Variants in USP7 observed in about 807,000 individuals in gnomAD.
The protein encoded by USP7 is ubiquitin C-terminal hydrolase 7.
Under a neutral mutation model 162.9 loss-of-function variants are expected in USP7, and 9 were observed. The ratio of observed to expected loss-of-function variants is 0.06; its 90% CI spans 0.03 to 0.10. The LOEUF (loss-of-function observed/expected upper bound fraction) is 0.10. Ranked by LOEUF, USP7 falls within the 10% of genes least tolerant of loss-of-function variation. The probability of loss-of-function intolerance (pLI) is 1.00; values close to 1 mark genes in which losing one functional copy is unlikely to be tolerated. For missense variants in USP7, 715 were observed against 1,373.7 expected, an observed-to-expected ratio of 0.52 and a Z score of 7.58; for synonymous variants, 562 against 475.9, an observed-to-expected ratio of 1.18 and a Z score of -2.35.
intron 26 of USP7, among the ~76,000 whole-genome samples, chr16:8,896,138 T>C (rs1166137988): frequency 3.5e-5 from 2 of 57,530 alleles, no homozygotes; most frequent in Admixed American, 2.4e-4. Context: ...CATGCCCAGC[T>C]TTTTTTTTTT....
chr16:8,899,570 G>A, intron 22 of USP7, 34 bp downstream of exon 22: 1 of 1,603,012 alleles, frequency 6.2e-7, no homozygotes, highest in Non-Finnish European at 8.5e-7. Context: ...TTCTGGAGTG[G>A]GATCTGAAGA....
intron 10 of USP7, among the ~76,000 whole-genome samples, chr16:8,914,691 G>A (rs542727413): frequency 5.3e-5 from 8 of 152,192 alleles, no homozygotes; most frequent in Admixed American, 1.3e-4. Flanking sequence ...CCCAAGGCAG[G>A]AAGGTTGCTT....
rs542720925 is a variant in USP7, at chr16:8,894,957, C to A, written c.3039+74G>T. On this transcript the variant is annotated intron_variant, in intron 28 of 30. Coordinates refer to ENST00000344836, the MANE Select transcript of USP7 (RefSeq NM_003470.3). ...CCAACGCCTAACCCCAGCAGGAGCGCAGATTCGGCAACAGCGGCCACTCAA... is the reference window on the plus strand; with the variant it reads ...CCAACGCCTAACCCCAGCAGGAGCGAAGATTCGGCAACAGCGGCCACTCAA... 7.7e-5 allele frequency: 124 copies of A among 1,613,212 alleles called. 1 individual carries two copies. The highest frequency in any genetic ancestry group is 1.0e-4 in the Non-Finnish European group (121 of 1,179,358).
chr16:8,931,143 T>C (rs1333631375), intron 1 of USP7, among the ~76,000 whole-genome samples: 1 of 152,114 alleles, frequency 6.6e-6, no homozygotes, highest in Non-Finnish European at 1.5e-5. Flanking sequence ...GCAAATGGTA[T>C]ACATTAAAAC....
intron 21 of USP7, 35 bp downstream of exon 21, chr16:8,900,495 G>C (rs768343533): frequency 2.0e-6 from 3 of 1,478,206 alleles, no homozygotes; most frequent in African/African-American, 2.8e-5. Context: ...CCTGAAATTA[G>C]TACAAAGTGA....
chr16:8,949,297 A>G (rs1243673196), intron 1 of USP7, among the ~76,000 whole-genome samples: 2 of 152,220 alleles, frequency 1.3e-5, no homozygotes, highest in Non-Finnish European at 2.9e-5. Flanking sequence ...ACATCGTGGC[A>G]CGTTCCACTG....
chr16:8,901,919 T>C (rs2061780950), intron 18 of USP7, 163 bp downstream of exon 18: 2 of 648,252 alleles, frequency 3.1e-6, no homozygotes, highest in Non-Finnish European at 2.6e-6. Flanking sequence ...CGCAGCCAAG[T>C]CAGTCTTATT....
intron 2 of USP7, among the ~76,000 whole-genome samples, chr16:8,926,973 T>C (rs375995511): frequency 1.3e-5 from 2 of 152,274 alleles, no homozygotes; most frequent in East Asian, 3.9e-4. Flanking sequence ...ACAGCAATTT[T>C]ATCCTCCCAG....
At chr16:8,952,114 G>C (rs1427803672) in intron 1 of USP7, among the ~76,000 whole-genome samples, 1 of 152,124 alleles carries the variant, frequency 6.6e-6, no homozygotes, top group Admixed American at 6.5e-5. Flanking sequence ...AAATGGCCAG[G>C]TGTGGTGTGC....
chr16:8,952,881 G>A (rs574420650), intron 1 of USP7, among the ~76,000 whole-genome samples: 1 of 151,830 alleles, frequency 6.6e-6, no homozygotes, highest in East Asian at 1.9e-4. Context: ...TTGTCGCCCA[G>A]GCTAGAGTGC....
intron 13 of USP7, 129 bp from the exon 14 acceptor site, chr16:8,905,460 GT>G: frequency 8.7e-7 from 1 of 1,145,236 alleles, no homozygotes; most frequent in Non-Finnish European, 1.3e-6. Context: ...ATCCATGTGT[GT>G]TCTTATACAG....
In USP7 at chr16:8,903,179, C is replaced by A. The variant is rs1277583802; in HGVS notation, c.1839+89G>T. On this transcript the variant is annotated intron_variant, in intron 16 of 30. Transcript: ENST00000344836. ...GCAGTGGCTGGACACAGCACCTACCCCCAAAGGCAATCAGTATTTTCTAGT... is the reference window on the plus strand; with the variant it reads ...GCAGTGGCTGGACACAGCACCTACCACCAAAGGCAATCAGTATTTTCTAGT... 14 of 1,527,730 alleles carry A rather than the reference C, an allele frequency of 9.2e-6. No individual in the cohort carries two copies. In the East Asian group the frequency reaches 2.5e-4, roughly 27 times the overall value. The allele number at this position is 1,527,730 out of a possible 1,614,324, so 94.6% of individuals were successfully genotyped here.
At position 8,919,404 on chromosome 16, in the gene USP7, C is replaced by G. The variant is rs115493166; in HGVS notation, c.612-265G>C. 8.8e-3 allele frequency among the ~76,000 whole-genome samples: 1,344 copies of G among 152,270 alleles called. 11 individuals carry two copies. Among genetic ancestry groups the G allele is most frequent in the African/African-American group, 0.03 (1,254 of 41,540 alleles). ...TGTCACTGATCAAGCCCAGCACCAA[C>G]AGACACTTAACGGAGACCTGCATGC... On this transcript the variant is annotated intron_variant, in intron 5 of 30. Transcript: ENST00000344836.
intron 1 of USP7, among the ~76,000 whole-genome samples, chr16:8,954,991 A>G (rs1899726062): frequency 6.6e-6 from 1 of 152,206 alleles, no homozygotes; most frequent in South Asian, 2.1e-4. Context: ...AAACAGTAAC[A>G]GCAATTGCTG....
intron 1 of USP7, among the ~76,000 whole-genome samples, chr16:8,960,132 T>C (rs949240322): frequency 2.6e-5 from 4 of 152,162 alleles, no homozygotes; most frequent in African/African-American, 9.7e-5. Flanking sequence ...CCACCAAAGT[T>C]AGCGAATAAA....
In USP7 at chr16:8,893,991, T is replaced by A. The variant is rs771837381; in HGVS notation, c.*7A>T. 3.1e-6 allele frequency: 5 copies of A among 1,613,736 alleles called. No homozygotes were observed. The highest frequency in any genetic ancestry group is 1.6e-4 in the Middle Eastern group (1 of 6,082). Reference sequence around the variant, plus strand: ...CCGTCCTCGCCTTGAACACACCAGCTTGGAAATCAGTTATGGATTTTAATG... The same window carrying A: ...CCGTCCTCGCCTTGAACACACCAGCATGGAAATCAGTTATGGATTTTAATG... On this transcript the variant is annotated 3_prime_UTR_variant, in exon 31 of 31. Transcript: ENST00000344836.
chr16:8,924,436 G>A (rs1469571170), intron 2 of USP7, among the ~76,000 whole-genome samples: 1 of 152,240 alleles, frequency 6.6e-6, no homozygotes, highest in African/African-American at 2.4e-5. Flanking sequence ...AGGAGTCCCA[G>A]GGCCACACCA....
chr16:8,903,222 G>A, intron 16 of USP7, 46 bp downstream of exon 16: 2 of 1,586,310 alleles, frequency 1.3e-6, no homozygotes, highest in Non-Finnish European at 1.7e-6. Context: ...AAGGAAGGTG[G>A]ACGTTGGGAG....
In USP7 at chr16:8,895,019, A is replaced by C. The variant is rs1166937432; in HGVS notation, c.3039+12T>G. On this transcript the variant is annotated intron_variant, in intron 28 of 30. Coordinates refer to ENST00000344836, the MANE Select transcript of USP7 (RefSeq NM_003470.3). Reference sequence around the variant, plus strand: ...TTTGACGTGAGCCACTCGGCCAACCACAACAGCATACCTGGTGTATCCTCA... The same window carrying C: ...TTTGACGTGAGCCACTCGGCCAACCCCAACAGCATACCTGGTGTATCCTCA... The C allele has an allele frequency of 1.2e-6, 2 of 1,614,226 alleles. No individual in the cohort carries two copies. The highest frequency in any genetic ancestry group is 4.5e-5 in the East Asian group (2 of 44,886).
Sources: allele counts gnomAD v4.1 joint callset (sites outside exome capture counted in the v4.1 genomes callset), GRCh38; gene constraint gnomAD v4.1.1; transcripts MANE v1.5; gene names NCBI Gene and HGNC (gene_info 2026-07-23, HGNC 2026-07-21).